Variants in DISP1 observed in about 807,000 individuals in gnomAD.
DISP1 encodes the protein protein dispatched homolog 1.
In DISP1, 30 loss-of-function variants were observed where a neutral mutation model predicts 37.3. The observed-to-expected ratio is 0.80, with a 90% CI of 0.60 to 1.09. DISP1 has a LOEUF of 1.09. Among genes scored for constraint, DISP1 ranks in the 50% least tolerant of loss-of-function variants. The pLI is 0.00. For synonymous variants in DISP1, 634 were observed against 690.2 expected (o/e 0.92, Z 1.28); for missense variants, 1,598 against 1,879.5 (o/e 0.85, Z 2.77).
At chr1:223,000,837 G>A (rs1350244116) in intron 8 of DISP1, among the ~76,000 whole-genome samples, 1 of 152,056 alleles carries the variant, frequency 6.6e-6, no homozygotes, top group Non-Finnish European at 1.5e-5. Context: ...TTCAATACAT[G>A]ATTGATAAAG....
Position 223,002,606 on chromosome 1 carries a change from C to T in DISP1, c.1209C>T (p.Ala403=), listed in dbSNP as rs1679543379. The change falls in exon 9 of 9, where the codon GCC becomes GCT. Residue 403 remains alanine, a synonymous_variant. Coordinates refer to ENST00000675850, the MANE Select transcript of DISP1 (RefSeq NM_001377229.1). ...TLGPDCWDMA[A]RRKDQLKCTN... Reference sequence around the variant, plus strand: ...GGCCAGACTGCTGGGACATGGCAGCCAGAAGAAAGGACCAGCTCAAGTGCA... The same window carrying T: ...GGCCAGACTGCTGGGACATGGCAGCTAGAAGAAAGGACCAGCTCAAGTGCA... 1 of 1,614,160 alleles carries T rather than the reference C, an allele frequency of 6.2e-7. No homozygotes were observed. Among genetic ancestry groups the T allele is most frequent in the South Asian group, 1.1e-5 (1 of 91,080 alleles).
intron 3 of DISP1, among the ~76,000 whole-genome samples, chr1:222,962,012 G>GA (rs147361599): frequency 3.4e-5 from 5 of 149,152 alleles, no homozygotes; most frequent in South Asian, 2.1e-4. Context: ...CTCAAAAAAA[G>GA]AAAAAAAAAG....
intron 1 of DISP1, among the ~76,000 whole-genome samples, chr1:222,923,773 C>G (rs1028852071): frequency 6.6e-6 from 1 of 152,088 alleles, no homozygotes; most frequent in Non-Finnish European, 1.5e-5. Context: ...TCTCTGCTTC[C>G]TTGTCTGGTG....
In DISP1 at chr1:222,942,830, A is replaced by G. The variant is rs199657728; in HGVS notation, c.7A>G (p.Met3Val). MA[M>V]SNGNNDFVVL... is the part of the protein sequence containing the mutation. Reference sequence around the variant, plus strand: ...AGAGTCAAGAAATTGGAGCATGGCTATGAGCAATGGAAACAATGATTTTGT... The same window carrying G: ...AGAGTCAAGAAATTGGAGCATGGCTGTGAGCAATGGAAACAATGATTTTGT... Residue 3 changes from methionine to valine, a missense_variant, in exon 3 of 9, where the codon ATG (methionine) becomes GTG (valine). Transcript: ENST00000675850. 7.5e-5 allele frequency: 121 copies of G among 1,614,172 alleles called. 1 individual carries two copies. In the African/African-American group the frequency reaches 9.9e-4, roughly 13 times the overall value.
intron 3 of DISP1, among the ~76,000 whole-genome samples, chr1:222,981,363 T>C (rs1484592940): frequency 6.6e-6 from 1 of 152,196 alleles, no homozygotes; most frequent in East Asian, 1.9e-4. Flanking sequence ...GGAATTGGAA[T>C]ATATATTCCC....
intron 1 of DISP1, among the ~76,000 whole-genome samples, chr1:222,852,964 T>C (rs547599705): frequency 6.6e-6 from 1 of 152,208 alleles, no homozygotes; most frequent in East Asian, 1.9e-4. Flanking sequence ...TCTGTGTATA[T>C]ATACCAAATG....
chr1:222,984,421 A>ATATATATATATAT (rs796974033), intron 4 of DISP1, among the ~76,000 whole-genome samples: 5 of 105,780 alleles, frequency 4.7e-5, no homozygotes, highest in Non-Finnish European at 7.2e-5. Flanking sequence ...AAAAAAAAAA[A>ATATATATATATAT]ATATATATAT....
At position 222,896,284 on chromosome 1, in the gene DISP1, G is replaced by T. The variant is rs545688727; in HGVS notation, c.-158-32146G>T. 2.0e-5 allele frequency among the ~76,000 whole-genome samples: 3 copies of T among 151,662 alleles called. No homozygotes were observed. In the East Asian group the frequency reaches 5.8e-4, roughly 29 times the overall value. On this transcript the variant is annotated intron_variant, in intron 1 of 8. Coordinates refer to ENST00000675850, the MANE Select transcript of DISP1 (RefSeq NM_001377229.1). The stretch of plus-strand genomic sequence containing the variant: ...GATCCTGCCACTGCACTCCAGCCTG[G>T]GTGACAGAGCACAATCCTGTCTCAA...
chr1:222,819,008 C>G (rs941197913), intron 1 of DISP1, among the ~76,000 whole-genome samples: 2 of 152,150 alleles, frequency 1.3e-5, no homozygotes, highest in African/African-American at 4.8e-5. Context: ...AATTGTAATT[C>G]TCAGTGTTAG....
intron 1 of DISP1, among the ~76,000 whole-genome samples, chr1:222,855,197 C>G (rs1280094525): frequency 1.3e-5 from 2 of 152,200 alleles, no homozygotes; most frequent in Non-Finnish European, 2.9e-5. Flanking sequence ...GGAGCCACAT[C>G]AAGACCTTTC....
intron 4 of DISP1, among the ~76,000 whole-genome samples, chr1:222,984,382 T>G (rs1678066993): frequency 2.4e-5 from 3 of 122,932 alleles, no homozygotes; most frequent in Non-Finnish European, 3.2e-5. Context: ...CAAGCCTGGG[T>G]GGCAGAGCCA....
intron 3 of DISP1, among the ~76,000 whole-genome samples, chr1:222,976,984 AT>A (rs1375688060): frequency 2.6e-5 from 4 of 152,170 alleles, no homozygotes; most frequent in Admixed American, 2.6e-4. Context: ...GGAAAAACAC[AT>A]TTGCTTTCAT....
intron 1 of DISP1, among the ~76,000 whole-genome samples, chr1:222,858,264 G>T (rs1668659923): frequency 6.6e-6 from 1 of 151,986 alleles, no homozygotes; most frequent in African/African-American, 2.4e-5. Flanking sequence ...AGAAAGTCTA[G>T]TTGTGTTTCA....
rs201750265 is a variant in DISP1 at position 222,942,792 on chromosome 1, G to T, written c.-17-15G>T. The stretch of plus-strand genomic sequence containing the variant: ...CCTGACTGTAACTGGGCGATTTTAT[G>T]ATTTTCTTACTTAGAGTCAAGAAAT... On this transcript the variant is annotated splice_polypyrimidine_tract_variant and intron_variant, in intron 2 of 8. Transcript: ENST00000675850. The T allele has an allele frequency of 7.2e-5, 116 of 1,613,820 alleles. No individual in the cohort carries two copies. The highest frequency in any genetic ancestry group is 3.3e-4 in the Middle Eastern group (2 of 6,084).
chr1:222,888,547 G>T (rs1414429146), intron 1 of DISP1, among the ~76,000 whole-genome samples: 1 of 152,096 alleles, frequency 6.6e-6, no homozygotes, highest in Admixed American at 6.5e-5. Flanking sequence ...CATAAAAATT[G>T]TGAAATTAGA....
chr1:222,999,488 G>A (rs1032716942), intron 8 of DISP1, among the ~76,000 whole-genome samples: 1 of 147,520 alleles, frequency 6.8e-6, no homozygotes, highest in African/African-American at 2.7e-5. Context: ...ACATGACTAA[G>A]TTAGTGCCAT....
At chr1:222,903,355 G>T (rs1188242145) in intron 1 of DISP1, among the ~76,000 whole-genome samples, 1 of 149,652 alleles carries the variant, frequency 6.7e-6, no homozygotes, top group South Asian at 2.1e-4. Context: ...GCTAAATGAC[G>T]AGTTAATGGG....
intron 1 of DISP1, among the ~76,000 whole-genome samples, chr1:222,921,201 C>T (rs1320799374): frequency 6.6e-6 from 1 of 152,016 alleles, no homozygotes; most frequent in Non-Finnish European, 1.5e-5. Context: ...CCCAGCTACT[C>T]GGGAGGCTGA....
intron 1 of DISP1, among the ~76,000 whole-genome samples, chr1:222,829,658 T>C (rs2125219679): frequency 6.6e-6 from 1 of 152,236 alleles, no homozygotes; most frequent in East Asian, 1.9e-4. Flanking sequence ...GCCAGCCTGG[T>C]CTTGAACTCC....
Sources: allele counts gnomAD v4.1 joint callset (sites outside exome capture counted in the v4.1 genomes callset), GRCh38; gene constraint gnomAD v4.1.1; transcripts MANE v1.5; gene names NCBI Gene and HGNC (gene_info 2026-07-23, HGNC 2026-07-21).